Variants in PELP1 observed in about 807,000 individuals in gnomAD.
The protein encoded by PELP1 is proline, glutamate and leucine rich protein 1, also known as proline-, glutamic acid- and leucine-rich protein 1.
A neutral mutation model predicts 95.5 loss-of-function variants in PELP1; 32 were observed. The observed-to-expected ratio is 0.34, with a 90% CI of 0.25 to 0.45. The LOEUF (loss-of-function observed/expected upper bound fraction) is 0.45. Ranked by LOEUF, PELP1 falls within the 20% of genes least tolerant of loss-of-function variation. The pLI, the probability that PELP1 is intolerant of heterozygous loss-of-function variation, is 1.00. For synonymous variants in PELP1, 668 were observed against 600.1 expected (o/e 1.11, Z -1.65); for missense variants, 1,358 against 1,444.8 (o/e 0.94, Z 0.97).
At position 4,672,952 on chromosome 17, in the gene PELP1, G is replaced by A; in HGVS notation, c.2039C>T (p.Ala680Val). Residue 680 changes from alanine (A) to valine (V), a missense_variant, in exon 16 of 17, where the codon GCA becomes GTA. Around this residue, in one of 7 missense-constraint regions of PELP1, gnomAD observed 340 missense variants for 322.9 expected, o/e 1.05. Transcript: ENST00000572293. ...PMPSVGSMPS[A>V]GPMPSAGPMP... ...GGGGCCTGCTGAAGGCATGGGGCCT[G>A]CTGAGGGCATGGAGCCCACTGAGGG... 6.2e-7 allele frequency: 1 copy of A among 1,603,822 alleles called. No homozygotes were observed. Among genetic ancestry groups the A allele is most frequent in the Non-Finnish European group, 8.5e-7 (1 of 1,174,362 alleles).
rs1159727185 is a variant in PELP1 at position 4,675,926 on chromosome 17, C to T, written c.981-42G>A. ...CAGGGAGACCTTCAGAGCAGGCTCC[C>T]TGGCATAACTCCCACACCCACCTTC... On this transcript the variant is annotated intron_variant, in intron 8 of 16. Transcript: ENST00000572293. The surrounding 1 kb of genome is among the most constrained non-coding windows in gnomAD (Gnocchi z 4.3). The T allele has an allele frequency of 1.9e-6, 3 of 1,582,128 alleles. No individual in the cohort carries two copies. Among genetic ancestry groups the T allele is most frequent in the South Asian group, 1.1e-5 (1 of 88,074 alleles).
intron 5 of PELP1, 90 bp from the exon 6 acceptor site, chr17:4,676,902 A>G: frequency 1.0e-6 from 1 of 959,170 alleles, no homozygotes; most frequent in African/African-American, 1.6e-5. Flanking sequence ...GCAGACTCTA[A>G]GCCCAGGTCT....
In PELP1 at chr17:4,682,521, C is replaced by G. The variant is rs186515350; in HGVS notation, c.623G>C (p.Arg208Pro). The G allele has an allele frequency of 1.9e-6, 3 of 1,611,936 alleles. No individual in the cohort carries two copies. In the African/African-American group the frequency reaches 4.0e-5, roughly 21 times the overall value. The change falls in exon 5 of 17, where the codon CGG (arginine) becomes CCG (proline). Residue 208 changes from arginine (R) to proline (P), a missense_variant. This residue lies in a region of PELP1 where 538 missense variants were observed against 628.1 expected (regional missense o/e 0.86). Transcript: ENST00000572293. ...GMKACMTYFPRACGSLKGKLA... is the reference protein window; with the variant it reads ...GMKACMTYFPPACGSLKGKLA... The stretch of plus-strand genomic sequence containing the variant: ...ACTTACTTTGAGAGAACCACAAGCC[C>G]GAGGGAAATAGGTCATACAAGCCTT...
At position 4,675,166 on chromosome 17, in the gene PELP1, A is replaced by G; in HGVS notation, c.1187T>C (p.Ile396Thr). 6.2e-7 allele frequency: 1 copy of G among 1,613,840 alleles called. No homozygotes were observed. Among genetic ancestry groups the G allele is most frequent in the Admixed American group, 1.7e-5 (1 of 60,008 alleles). Reference protein sequence around the residue: ...ACGSRLLRFGILIGRLLPQVL... With the variant: ...ACGSRLLRFGTLIGRLLPQVL... Reference sequence around the variant, plus strand: ...CTGGGGAAGCAGGCGGCCGATCAGGATCCCAAAGCGCAAGAGCCGGCTTCC... The same window carrying G: ...CTGGGGAAGCAGGCGGCCGATCAGGGTCCCAAAGCGCAAGAGCCGGCTTCC... Residue 396 changes from isoleucine to threonine, a missense_variant, in exon 11 of 17, where the codon ATC (isoleucine) becomes ACC (threonine). Coordinates refer to ENST00000572293, the MANE Select transcript of PELP1 (RefSeq NM_014389.3). This position sits in a 1 kb window ranked among gnomAD's most constrained non-coding sequence, Gnocchi z 4.3.
chr17:4,697,909 A>G (rs1306312636), intron 1 of PELP1, among the ~76,000 whole-genome samples: 1 of 151,976 alleles, frequency 6.6e-6, no homozygotes, highest in Non-Finnish European at 1.5e-5. Context: ...AAAAAAAATC[A>G]TACCTTTATA....
rs540162834 is a variant in PELP1, at chr17:4,669,910, G to A, written c.*1529C>T. The A allele has an allele frequency of 6.6e-6, 1 of 152,186 alleles. No individual in the cohort carries two copies. Among genetic ancestry groups the A allele is most frequent in the South Asian group, 2.1e-4 (1 of 4,812 alleles). The allele number at this position is 152,186 out of a possible 1,614,324, so 9.4% of individuals were successfully genotyped here. On this transcript the variant is annotated 3_prime_UTR_variant, in exon 17 of 17. Coordinates refer to ENST00000572293, the MANE Select transcript of PELP1 (RefSeq NM_014389.3). ...AAGATAATTCATGTTAAAGAATCTGGGATGGGAAGGGCCACGGTGTCTACA... is the reference window on the plus strand; with the variant it reads ...AAGATAATTCATGTTAAAGAATCTGAGATGGGAAGGGCCACGGTGTCTACA...
Position 4,672,219 on chromosome 17 carries a change from TTCC to T in PELP1, c.2769_2771del (p.Glu930del), listed in dbSNP as rs534948725. ...CCTCAAACTCTTCTTCCTCCTCTTC[TTCC>T]TCTTCAAAATATTCCTCTTCATCCT... On this transcript the variant is annotated inframe_deletion, in exon 16 of 17. Coordinates refer to ENST00000572293, the MANE Select transcript of PELP1 (RefSeq NM_014389.3). 1,486 of 1,552,762 alleles carry T rather than the reference TTCC, an allele frequency of 9.6e-4. 17 individuals carry two copies. The highest frequency in any genetic ancestry group is 3.4e-4 in the Middle Eastern group (2 of 5,858).
chr17:4,680,279 TTTTC>T (rs1912640157), intron 5 of PELP1, among the ~76,000 whole-genome samples: 1 of 152,124 alleles, frequency 6.6e-6, no homozygotes, highest in South Asian at 2.1e-4. Context: ...ATTAATCTCA[TTTTC>T]TTTCTTTTTT....
chr17:4,674,988 T>C (rs1567661299), intron 11 of PELP1, 32 bp from the exon 12 acceptor site: 19 of 1,605,656 alleles, frequency 1.2e-5, no homozygotes, highest in Admixed American at 1.7e-5. Flanking sequence ...CAGTTATGAA[T>C]GGGGGGTCAA....
chr17:4,681,686 G>T (rs555886244), intron 5 of PELP1, among the ~76,000 whole-genome samples: 156 of 152,138 alleles, frequency 1.0e-3, no homozygotes, highest in Middle Eastern at 3.4e-3. Flanking sequence ...TGCAGTCCCA[G>T]CTACTCGGGA....
chr17:4,674,185 G>A (rs1371252587), intron 13 of PELP1, among the ~76,000 whole-genome samples: 7 of 152,228 alleles, frequency 4.6e-5, no homozygotes, highest in African/African-American at 1.2e-4. Flanking sequence ...CGGAGGAAGC[G>A]AAGGCCTTGG....
At chr17:4,683,142 T>TG in intron 3 of PELP1, 190 bp from the exon 4 acceptor site, 1 of 1,193,438 alleles carries the variant, frequency 8.4e-7, no homozygotes, top group Non-Finnish European at 1.1e-6. Flanking sequence ...TACGGGTATC[T>TG]GGGGTCCTAG....
intron 1 of PELP1, among the ~76,000 whole-genome samples, chr17:4,700,549 C>T (rs960037065): frequency 6.6e-6 from 1 of 151,884 alleles, no homozygotes; most frequent in Non-Finnish European, 1.5e-5. Context: ...GAGGCTGAGG[C>T]CTACGTAGAA....
At chr17:4,683,284 G>T (rs1388241293) in intron 3 of PELP1, among the ~76,000 whole-genome samples, 3 of 148,240 alleles carry the variant, frequency 2.0e-5, no homozygotes, top group African/African-American at 7.5e-5. Context: ...GCAGTGGCGC[G>T]ATCTCGGCTC....
chr17:4,703,799 C>A, intron 1 of PELP1, 64 bp downstream of exon 1: 3 of 1,425,390 alleles, frequency 2.1e-6, no homozygotes. Flanking sequence ...GCACCGTAAT[C>A]CCGGCGCACA....
chr17:4,702,774 G>C (rs545131410), intron 1 of PELP1, among the ~76,000 whole-genome samples: 1 of 152,280 alleles, frequency 6.6e-6, no homozygotes. Flanking sequence ...CGTGTTTATG[G>C]GTCTTGAAGG....
intron 5 of PELP1, 148 bp from the exon 6 acceptor site, chr17:4,676,960 A>AC: frequency 3.2e-6 from 2 of 619,930 alleles, no homozygotes; most frequent in Non-Finnish European, 5.8e-6. Flanking sequence ...GGGCATCAAC[A>AC]CCGGGCACGG....
At position 4,671,744 on chromosome 17, in the gene PELP1, G is replaced by A; in HGVS notation, c.3247C>T (p.Pro1083Ser). Residue 1083 changes from proline (P) to serine (S), a missense_variant, in exon 16 of 17, where the codon CCT becomes TCT. Pro to Ser is a moderately conservative substitution (Grantham distance 74, BLOSUM62 -1). This residue lies in a region of PELP1 where 283 missense variants were observed against 284.1 expected (regional missense o/e 1.00). Transcript: ENST00000572293. ...SDKVQPPPET[P>S]AEEEMETETE... ...TCTGTCTCCATCTCTTCTTCTGCAG[G>A]TGTCTCTGGTGGGGGCTGCACCTTG... The A allele has an allele frequency of 6.5e-7, 1 of 1,531,238 alleles. No individual in the cohort carries two copies. Among genetic ancestry groups the A allele is most frequent in the Non-Finnish European group, 8.7e-7 (1 of 1,144,418 alleles). 94.9% of individuals were successfully genotyped at this position (1,531,238 alleles called of 1,614,324 possible).
intron 1 of PELP1, among the ~76,000 whole-genome samples, chr17:4,698,480 A>AAT (rs1338188035): frequency 2.0e-5 from 3 of 151,238 alleles, no homozygotes; most frequent in Middle Eastern, 3.2e-3. Flanking sequence ...TAAAAAAAAA[A>AAT]AAAGAAAAAA....
Sources: allele counts gnomAD v4.1 joint callset (sites outside exome capture counted in the v4.1 genomes callset), GRCh38; gene constraint gnomAD v4.1.1; regional missense constraint gnomAD v4.1.1; non-coding constraint Gnocchi (gnomAD v3.1); transcripts MANE v1.5; gene names NCBI Gene and HGNC (gene_info 2026-07-23, HGNC 2026-07-21).